ATP1B1: variants seen among roughly 807,000 people sequenced by gnomAD.
The protein encoded by ATP1B1 is ATPase Na+/K+ transporting subunit beta 1.
ATP1B1 carries 3 observed loss-of-function variants against 39.6 expected under a neutral mutation model. The observed-to-expected ratio is 0.08, with a 90% CI of 0.03 to 0.20. ATP1B1 has a LOEUF of 0.20. ATP1B1 is among the 10% of genes least tolerant of loss of function. The probability of loss-of-function intolerance (pLI) is 1.00; values close to 1 mark genes in which losing one functional copy is unlikely to be tolerated. For missense variants in ATP1B1, 216 were observed against 371.1 expected (o/e 0.58, Z 3.43); for synonymous variants, 139 against 135.0 (o/e 1.03, Z -0.20).
chr1:169,127,423 A>T lies in ATP1B1; in HGVS notation c.567+15A>T. The T allele has an allele frequency of 6.3e-7, 1 of 1,599,474 alleles. No homozygotes were observed. Among genetic ancestry groups the T allele is most frequent in the South Asian group, 1.1e-5 (1 of 87,654 alleles). On this transcript the variant is annotated intron_variant, in intron 4 of 5. Transcript: ENST00000367815. ...TCAAACCTAAGGCAAGTAATATTTT[A>T]AATGATAGAATTTAGATGAGTCATT...
rs1658211977 is a variant in ATP1B1, at chr1:169,131,188, T to G, written c.649-104T>G. On this transcript the variant is annotated intron_variant, in intron 5 of 5. Transcript: ENST00000367815. The surrounding 1 kb of genome is among the most constrained non-coding windows in gnomAD (Gnocchi z 4.4). ...TAGACTGAGTAGATGTTCTTTCCTCTCTCAGTAGTTTGCAAACTACTGTGT... is the reference window on the plus strand; with the variant it reads ...TAGACTGAGTAGATGTTCTTTCCTCGCTCAGTAGTTTGCAAACTACTGTGT... 1 of 1,381,782 alleles carries G rather than the reference T, an allele frequency of 7.2e-7. No individual in the cohort carries two copies. The highest frequency in any genetic ancestry group is 2.0e-5 in the Admixed American group (1 of 49,796). The allele number at this position is 1,381,782 out of a possible 1,614,324, so 85.6% of individuals were successfully genotyped here. A position where few individuals can be genotyped will look rare whatever the true frequency, so the allele number is the denominator to read the frequency against.
chr1:169,109,752 G>C (rs1200132), intron 1 of ATP1B1, among the ~76,000 whole-genome samples: 127,680 of 149,458 alleles, frequency 0.85, 55,078 homozygotes, highest in East Asian at 0.99. Context: ...TGTAGGTAAG[G>C]TAAGAGCACC....
Position 169,131,646 on chromosome 1 carries a change from C to CGTATG in ATP1B1, c.*93_*97dup. 9.3e-6 allele frequency: 13 copies of CGTATG among 1,390,764 alleles called. No individual in the cohort carries two copies. The South Asian group carries it at 1.8e-4, about 20-fold the overall frequency. 86.2% of individuals were successfully genotyped at this position (1,390,764 alleles called of 1,614,324 possible). ...TACTAGTCTTGAACAAACTGTCATA[C>CGTATG]GTATGGGACCTACACTTAATCTATA... On this transcript the variant is annotated 3_prime_UTR_variant, in exon 6 of 6. Coordinates refer to ENST00000367815, the MANE Select transcript of ATP1B1 (RefSeq NM_001677.4). This position sits in a 1 kb window ranked among gnomAD's most constrained non-coding sequence, Gnocchi z 4.4.
intron 2 of ATP1B1, among the ~76,000 whole-genome samples, chr1:169,122,702 G>C (rs1313071082): frequency 7.4e-6 from 1 of 134,996 alleles, no homozygotes. Flanking sequence ...TGAAATTTTT[G>C]TCCCCCATAA....
At chr1:169,125,322 C>T (rs1339698688) in intron 3 of ATP1B1, among the ~76,000 whole-genome samples, 1 of 145,638 alleles carries the variant, frequency 6.9e-6, no homozygotes, top group African/African-American at 2.5e-5. Flanking sequence ...TTCCGGTTTT[C>T]TTTCTCTTAC....
Position 169,106,935 on chromosome 1 carries a change from G to T in ATP1B1, c.97+9G>T. On this transcript the variant is annotated intron_variant, in intron 1 of 5. Transcript: ENST00000367815. ...GACCGGTGGCAGTTGGTGTAAGTAC[G>T]GGGTCCGCAGCTCCCGGCCGCCGCG... The T allele has an allele frequency of 6.4e-7, 1 of 1,571,860 alleles. No individual in the cohort carries two copies. Among genetic ancestry groups the T allele is most frequent in the South Asian group, 1.2e-5 (1 of 86,636 alleles).
chr1:169,115,882 A>G (rs1402885199), intron 2 of ATP1B1, among the ~76,000 whole-genome samples: 3 of 152,260 alleles, frequency 2.0e-5, no homozygotes, highest in African/African-American at 4.8e-5. Flanking sequence ...TAACAAACCC[A>G]TGCTTGTTGG....
chr1:169,111,578 A>G, intron 2 of ATP1B1, 80 bp downstream of exon 2: 2 of 1,547,418 alleles, frequency 1.3e-6, no homozygotes, highest in South Asian at 2.4e-5. Flanking sequence ...AATTCTTTGG[A>G]AAATTACTCT....
intron 2 of ATP1B1, among the ~76,000 whole-genome samples, chr1:169,113,092 G>C (rs560764376): frequency 1.3e-5 from 2 of 150,930 alleles, no homozygotes; most frequent in African/African-American, 4.9e-5. Context: ...TTGAGACAGA[G>C]TTTTGCTCTG....
chr1:169,106,743 GAGAAGCCGAGCGGCGC>G lies in ATP1B1; in HGVS notation c.-83_-68del. On this transcript the variant is annotated 5_prime_UTR_variant, in exon 1 of 6. Transcript: ENST00000367815. ...GTCCTGCCTGCAGAGAGCCAGGCCGGAGAAGCCGAGCGGCGCAGAGGACGCCAGGGCGCGCGCCGCA... is the reference window on the plus strand; with the variant it reads ...GTCCTGCCTGCAGAGAGCCAGGCCGGAGAGGACGCCAGGGCGCGCGCCGCA... 9.0e-7 allele frequency: 1 copy of G among 1,108,766 alleles called. No homozygotes were observed. Among genetic ancestry groups the G allele is most frequent in the Non-Finnish European group, 1.2e-6 (1 of 802,046 alleles). The allele number at this position is 1,108,766 out of a possible 1,614,324, so 68.7% of individuals were successfully genotyped here.
chr1:169,129,500 C>T (rs12138150), intron 4 of ATP1B1, among the ~76,000 whole-genome samples: 44,986 of 152,104 alleles, frequency 0.3, 7,711 homozygotes, highest in Non-Finnish European at 0.39. Flanking sequence ...AAGAAACGCT[C>T]CTTAAATGGC....
At chr1:169,107,433 T>A (rs948382195) in intron 1 of ATP1B1, among the ~76,000 whole-genome samples, 13 of 152,276 alleles carry the variant, frequency 8.5e-5, no homozygotes, top group Non-Finnish European at 1.5e-4. Flanking sequence ...GAGGAATCCA[T>A]CCACACTGTA....
chr1:169,108,719 T>C (rs1020789699), intron 1 of ATP1B1, among the ~76,000 whole-genome samples: 12 of 152,180 alleles, frequency 7.9e-5, no homozygotes, highest in African/African-American at 2.9e-4. Flanking sequence ...AGAGAGACCG[T>C]GTGTGTCAAT....
At chr1:169,115,680 A>G (rs1557948451) in intron 2 of ATP1B1, among the ~76,000 whole-genome samples, 1 of 152,138 alleles carries the variant, frequency 6.6e-6, no homozygotes, top group Non-Finnish European at 1.5e-5. Flanking sequence ...TTTCTACTAG[A>G]AGCAGCAGTT....
chr1:169,106,916 T>C lies in ATP1B1; in HGVS notation c.87T>C (p.Gly29=). The stretch of plus-strand genomic sequence containing the variant: ...AGAAGGAGTTTCTGGGCAGGACCGG[T>C]GGCAGTTGGTGTAAGTACGGGGTCC... The part of the protein sequence containing the change: ...SEKKEFLGRT[G]GSWFKILLFY... Residue 29 remains glycine, a synonymous_variant, in exon 1 of 6, where the codon GGT becomes GGC. Coordinates refer to ENST00000367815, the MANE Select transcript of ATP1B1 (RefSeq NM_001677.4). 6.3e-7 allele frequency: 1 copy of C among 1,577,716 alleles called. No homozygotes were observed. Among genetic ancestry groups the C allele is most frequent in the East Asian group, 2.5e-5 (1 of 40,222 alleles).
chr1:169,130,398 A>ACTT (rs58764076), intron 5 of ATP1B1, among the ~76,000 whole-genome samples: 82,604 of 151,646 alleles, frequency 0.54, 23,247 homozygotes, highest in East Asian at 0.82. Flanking sequence ...CCACAGAAGT[A>ACTT]CTTTCTGGCC....
chr1:169,124,867 C>T lies in ATP1B1; in HGVS notation c.227-17C>T, dbSNP rs776381919. 6.2e-7 allele frequency: 1 copy of T among 1,607,984 alleles called. No homozygotes were observed. The highest frequency in any genetic ancestry group is 1.7e-5 in the Admixed American group (1 of 58,340). ...TTTCTGCCTTCCTACTAATGTTTTT[C>T]TCTCTGCCTGGTCTAGGATTAACAC... On this transcript the variant is annotated splice_polypyrimidine_tract_variant and intron_variant, in intron 2 of 5. Coordinates refer to ENST00000367815, the MANE Select transcript of ATP1B1 (RefSeq NM_001677.4).
chr1:169,113,713 A>G (rs1165084108), intron 2 of ATP1B1, among the ~76,000 whole-genome samples: 1 of 151,960 alleles, frequency 6.6e-6, no homozygotes, highest in Non-Finnish European at 1.5e-5. Flanking sequence ...CTTAGTACCT[A>G]TATTTAGTGT....
intron 2 of ATP1B1, among the ~76,000 whole-genome samples, chr1:169,112,496 C>A (rs1657749257): frequency 6.6e-6 from 1 of 152,236 alleles, no homozygotes; most frequent in Non-Finnish European, 1.5e-5. Flanking sequence ...TCTCTGCTTT[C>A]CCTTGGCAAA....
Sources: allele counts gnomAD v4.1 joint callset (sites outside exome capture counted in the v4.1 genomes callset), GRCh38; gene constraint gnomAD v4.1.1; non-coding constraint Gnocchi (gnomAD v3.1); transcripts MANE v1.5; gene names NCBI Gene and HGNC (gene_info 2026-07-23, HGNC 2026-07-21).